Variants in PCDHA7 observed in about 807,000 individuals in gnomAD.
The protein encoded by PCDHA7 is protocadherin alpha-7.
A neutral mutation model predicts 57.2 loss-of-function variants in PCDHA7; 37 were observed. The observed-to-expected ratio is 0.65, with a 90% CI of 0.50 to 0.85. PCDHA7 has a LOEUF of 0.85. Ranked by LOEUF, PCDHA7 falls within the 40% of genes least tolerant of loss-of-function variation. The probability of loss-of-function intolerance (pLI) is 0.00; values close to 1 mark genes in which losing one functional copy is unlikely to be tolerated. For missense variants in PCDHA7, 1,188 were observed against 1,241.8 expected (o/e 0.96, Z 0.65); for synonymous variants, 553 against 558.8 (o/e 0.99, Z 0.15).
At chr5:140,920,932 G>A (rs2079937589) in intron 1 of PCDHA7, among the ~76,000 whole-genome samples, 1 of 151,286 alleles carries the variant, frequency 6.6e-6, no homozygotes, top group Admixed American at 6.6e-5. Flanking sequence ...AGGTGATCTA[G>A]CCCTTTCATT....
chr5:140,854,269 G>C, intron 1 of PCDHA7: 2 of 577,018 alleles, frequency 3.5e-6, no homozygotes, highest in Non-Finnish European at 4.4e-6. Flanking sequence ...TACATTAGTA[G>C]AAATTGAGTT....
chr5:140,941,347 T>C (rs246069), intron 1 of PCDHA7, among the ~76,000 whole-genome samples: 97,460 of 130,222 alleles, frequency 0.75, 37,726 homozygotes, highest in African/African-American at 0.94. Context: ...GATGGAGTCT[T>C]GCTCTGTTGC....
At chr5:140,940,285 T>C (rs2092587239) in intron 1 of PCDHA7, among the ~76,000 whole-genome samples, 3 of 152,222 alleles carry the variant, frequency 2.0e-5, no homozygotes, top group Admixed American at 6.5e-5. Context: ...CTCATTGTGC[T>C]GCTTCATCAG....
At chr5:140,942,754 A>C (rs1157116096) in intron 1 of PCDHA7, among the ~76,000 whole-genome samples, 1 of 152,212 alleles carries the variant, frequency 6.6e-6, no homozygotes, top group African/African-American at 2.4e-5. Context: ...TGTATAAATG[A>C]GATGGCATAA....
intron 3 of PCDHA7, among the ~76,000 whole-genome samples, chr5:140,990,741 G>A (rs528078912): frequency 4.3e-4 from 65 of 152,270 alleles, no homozygotes; most frequent in African/African-American, 1.2e-3. Context: ...ACAGCCCTAG[G>A]GTGGATACCT....
At chr5:140,964,062 C>T (rs1257577051) in intron 1 of PCDHA7, among the ~76,000 whole-genome samples, 1 of 152,124 alleles carries the variant, frequency 6.6e-6, no homozygotes, top group Middle Eastern at 3.2e-3. Flanking sequence ...GTGGTCAAGG[C>T]ATTAGTGTTA....
chr5:140,863,155 T>G (rs1554157838), intron 1 of PCDHA7: 1 of 635,268 alleles, frequency 1.6e-6, no homozygotes, highest in Admixed American at 1.9e-5. Context: ...GAAGGACCAC[T>G]GCGAGCTGGC....
At chr5:140,902,560 G>A (rs558432897) in intron 1 of PCDHA7, among the ~76,000 whole-genome samples, 1 of 151,954 alleles carries the variant, frequency 6.6e-6, no homozygotes, top group African/African-American at 2.4e-5. Flanking sequence ...CCAGATTTTT[G>A]AGGGTTTTTA....
At chr5:140,862,364 C>T in intron 1 of PCDHA7, 1 of 339,652 alleles carries the variant, frequency 2.9e-6, no homozygotes, top group Non-Finnish European at 5.8e-6. Flanking sequence ...ACAGACGACC[C>T]GCACCCTGAC....
At chr5:140,967,970 C>T (rs2096204544) in intron 1 of PCDHA7, 2 of 1,614,202 alleles carry the variant, frequency 1.2e-6, no homozygotes, top group South Asian at 2.2e-5. Context: ...GAAAGTGAGC[C>T]TGGGTCTGGA....
intron 1 of PCDHA7, among the ~76,000 whole-genome samples, chr5:140,837,556 A>G (rs1356770218): frequency 6.6e-6 from 1 of 151,974 alleles, no homozygotes; most frequent in Non-Finnish European, 1.5e-5. Flanking sequence ...GCCAAATTAT[A>G]TAAATATATT....
At chr5:140,854,902 A>G (rs2043266382) in intron 1 of PCDHA7, among the ~76,000 whole-genome samples, 1 of 150,050 alleles carries the variant, frequency 6.7e-6, no homozygotes, top group African/African-American at 2.4e-5. Flanking sequence ...AAGCGTAAAT[A>G]TAACAGGGTT....
chr5:140,928,570 C>T (rs2085340367), intron 1 of PCDHA7: 1 of 1,614,196 alleles, frequency 6.2e-7, no homozygotes, highest in African/African-American at 1.3e-5. Context: ...GTTTCCCTTG[C>T]CCAGAAATGG....
In PCDHA7 at chr5:140,983,053, C is replaced by T. The variant is rs571565176; in HGVS notation, c.2503+490C>T. 3.3e-5 allele frequency among the ~76,000 whole-genome samples: 5 copies of T among 151,988 alleles called. No homozygotes were observed. In the East Asian group the frequency reaches 5.8e-4, roughly 18 times the overall value. On this transcript the variant is annotated intron_variant, in intron 3 of 3. Transcript: ENST00000525929. ...GTTTCTCATGGAAGTGGAAAATTAT[C>T]GGAACCAAGGCATTGTTTTGAGTTC...
intron 1 of PCDHA7, chr5:140,966,656 G>A: frequency 8.3e-7 from 1 of 1,203,372 alleles, no homozygotes; most frequent in East Asian, 3.0e-5. Flanking sequence ...GTGAGCGGTG[G>A]GGGAGCAGGC....
intron 1 of PCDHA7, among the ~76,000 whole-genome samples, chr5:140,959,969 C>T (rs1203367528): frequency 6.6e-6 from 1 of 152,104 alleles, no homozygotes; most frequent in African/African-American, 2.4e-5. Context: ...GTAGATGTTA[C>T]TGAAAGAAGA....
intron 1 of PCDHA7, chr5:140,848,872 T>C: frequency 6.3e-7 from 1 of 1,590,738 alleles, no homozygotes; most frequent in Non-Finnish European, 8.6e-7. Flanking sequence ...GTGAAGGACA[T>C]TAACGACAAC....
chr5:140,843,595 G>A, intron 1 of PCDHA7: 1 of 1,596,100 alleles, frequency 6.3e-7, no homozygotes, highest in Admixed American at 1.7e-5. Flanking sequence ...CGCAGAGGGT[G>A]TGCTCTGGTG....
chr5:140,876,343 T>C lies in PCDHA7; in HGVS notation c.2355+39605T>C, dbSNP rs1196276310. ...AATGATTTTGCCAGTGAGTGAGAAA[T>C]GTATGTTTTCAATAAATCCAGACAC... is the stretch of plus-strand genomic sequence containing the variant. On this transcript the variant is annotated intron_variant, in intron 1 of 3. Transcript: ENST00000525929. 2 of 1,613,972 alleles carry C rather than the reference T, an allele frequency of 1.2e-6. No individual in the cohort carries two copies. The highest frequency in any genetic ancestry group is 1.1e-5 in the South Asian group (1 of 91,090).
Sources: gnomAD v4.1 joint callset for allele counts (sites outside exome capture counted in the v4.1 genomes callset) on GRCh38, gnomAD v4.1.1 for gene constraint, MANE v1.5 for transcripts, NCBI Gene and HGNC (gene_info 2026-07-23, HGNC 2026-07-21) for gene names.